The following RGS22 variants were observed in gnomAD, a reference collection of about 807,000 sequenced individuals.
The protein encoded by RGS22 is regulator of G protein signaling 22.
A neutral mutation model predicts 172.9 loss-of-function variants in RGS22; 148 were observed. The observed-to-expected ratio is 0.86, with a 90% CI of 0.75 to 0.98. The LOEUF is 0.98. Ranked by LOEUF, RGS22 falls within the 50% of genes least tolerant of loss-of-function variation. The pLI is 0.00. For missense variants in RGS22, 1,347 were observed against 1,440.8 expected (o/e 0.93, Z 1.05); for synonymous variants, 458 against 480.2 (o/e 0.95, Z 0.60).
chr8:100,084,302 AC>A, intron 3 of RGS22, among the ~76,000 whole-genome samples: 1 of 152,192 alleles, frequency 6.6e-6, no homozygotes. Flanking sequence ...GTATGCACTT[AC>A]AAAAATACTT....
intron 21 of RGS22, among the ~76,000 whole-genome samples, chr8:99,985,384 T>C (rs1038333010): frequency 8.5e-5 from 13 of 152,220 alleles, no homozygotes; most frequent in Admixed American, 5.9e-4. Context: ...ATAAATGCCT[T>C]CCAACTGGCA....
chr8:100,056,268 G>A (rs906960313), intron 9 of RGS22, among the ~76,000 whole-genome samples: 1 of 152,166 alleles, frequency 6.6e-6, no homozygotes, highest in South Asian at 2.1e-4. Context: ...TCTAAGCAGC[G>A]AAGCATTCAA....
chr8:100,051,505 A>T (rs1821322261), intron 10 of RGS22, among the ~76,000 whole-genome samples: 2 of 61,502 alleles, frequency 3.3e-5, no homozygotes, highest in Non-Finnish European at 5.8e-5. Context: ...TATAATAAAT[A>T]TATATAAATA....
At chr8:99,989,992 A>G (rs1221726645) in intron 20 of RGS22, among the ~76,000 whole-genome samples, 1 of 152,072 alleles carries the variant, frequency 6.6e-6, no homozygotes, top group African/African-American at 2.4e-5. Flanking sequence ...GCTGCATGCT[A>G]CTCATTTGTT....
In RGS22 at chr8:100,070,232, G is replaced by A. The variant is rs374096920; in HGVS notation, c.594+1137C>T. Reference sequence around the variant, plus strand: ...TAAGTTGAGAATTTAAAACAAATGAGAACATAAGATTTTTAAAATAGCACT... The same window carrying A: ...TAAGTTGAGAATTTAAAACAAATGAAAACATAAGATTTTTAAAATAGCACT... On this transcript the variant is annotated intron_variant, in intron 6 of 27. Coordinates refer to ENST00000360863, the MANE Select transcript of RGS22 (RefSeq NM_015668.5). Among the ~76,000 whole-genome samples, 43 of 152,052 alleles carry A rather than the reference G, an allele frequency of 2.8e-4. No individual in the cohort carries two copies. The East Asian group carries it at 6.6e-3, about 23-fold the overall frequency.
chr8:100,042,045 A>G, intron 11 of RGS22, 129 bp from the exon 12 acceptor site: 1 of 572,068 alleles, frequency 1.7e-6, no homozygotes, highest in Non-Finnish European at 3.1e-6. Flanking sequence ...GACTCAGGAA[A>G]AAAAGGATAA....
chr8:100,093,439 A>G lies in RGS22; in HGVS notation c.117+8T>C. On this transcript the variant is annotated splice_region_variant and intron_variant, in intron 3 of 27. Transcript: ENST00000360863. ...TATATATTCAATAGATCATAATAAT[A>G]AACTCACTGGAAGGCTTAGGAATTC... The G allele has an allele frequency of 6.5e-7, 1 of 1,535,328 alleles. No individual in the cohort carries two copies. Among genetic ancestry groups the G allele is most frequent in the Non-Finnish European group, 9.0e-7 (1 of 1,116,224 alleles).
chr8:100,062,809 CCAAA>C, intron 8 of RGS22, 57 bp from the exon 9 acceptor site: 7 of 1,355,874 alleles, frequency 5.2e-6, no homozygotes, highest in East Asian at 2.4e-5. Flanking sequence ...TATTCAACTA[CCAAA>C]ATGTAGTTGA....
At chr8:100,056,059 C>A (rs576355457) in intron 9 of RGS22, among the ~76,000 whole-genome samples, 1 of 152,004 alleles carries the variant, frequency 6.6e-6, no homozygotes, top group Non-Finnish European at 1.5e-5. Flanking sequence ...ATGGGATTGA[C>A]CAAAATGGTG....
Position 100,064,882 on chromosome 8 carries a change from C to T in RGS22, c.725-839G>A, listed in dbSNP as rs11990431. On this transcript the variant is annotated intron_variant, in intron 7 of 27. Coordinates refer to ENST00000360863, the MANE Select transcript of RGS22 (RefSeq NM_015668.5). ...ACCATTTCATTAAAAGATTCAATTA[C>T]TATCAAACTTACAGTCTATCATTAA... 8.2e-3 allele frequency among the ~76,000 whole-genome samples: 1,246 copies of T among 152,292 alleles called. 20 individuals carry two copies. The highest frequency in any genetic ancestry group is 0.029 in the African/African-American group (1,190 of 41,548).
intron 22 of RGS22, 54 bp downstream of exon 22, chr8:99,981,883 A>G: frequency 1.3e-6 from 2 of 1,499,456 alleles, no homozygotes; most frequent in Non-Finnish European, 1.8e-6. Context: ...CTATCTTTAA[A>G]AGGATTGTCA....
At chr8:99,985,999 T>C (rs1283954471) in intron 21 of RGS22, among the ~76,000 whole-genome samples, 2 of 152,034 alleles carry the variant, frequency 1.3e-5, no homozygotes, top group Non-Finnish European at 2.9e-5. Context: ...ATGTGAAAGA[T>C]TGTGAAAAAA....
chr8:99,984,423 C>T (rs1022988861), intron 21 of RGS22, among the ~76,000 whole-genome samples: 1 of 148,060 alleles, frequency 6.8e-6, no homozygotes, highest in Non-Finnish European at 1.5e-5. Context: ...AGCATTTGGT[C>T]AGAATTATAA....
chr8:100,071,301 T>C, intron 6 of RGS22, 68 bp downstream of exon 6: 1 of 1,363,646 alleles, frequency 7.3e-7, no homozygotes, highest in Non-Finnish European at 9.9e-7. Flanking sequence ...AATATATGTA[T>C]AAAATAAAAA....
At chr8:99,963,903 CA>C (rs1319701088) in intron 24 of RGS22, among the ~76,000 whole-genome samples, 7 of 152,134 alleles carry the variant, frequency 4.6e-5, no homozygotes, top group African/African-American at 1.4e-4. Context: ...TATTACTTTA[CA>C]AATTGCTAAA....
At chr8:99,990,391 T>C (rs538581008) in intron 20 of RGS22, among the ~76,000 whole-genome samples, 76 of 152,242 alleles carry the variant, frequency 5.0e-4, no homozygotes, top group African/African-American at 1.8e-3. Context: ...CCCCTGCCTT[T>C]TCACCCAATA....
chr8:100,022,035 C>T (rs1817647803), intron 14 of RGS22, among the ~76,000 whole-genome samples: 1 of 152,062 alleles, frequency 6.6e-6, no homozygotes, highest in Non-Finnish European at 1.5e-5. Flanking sequence ...TTTTTAATGA[C>T]CTCTCATATC....
intron 11 of RGS22, among the ~76,000 whole-genome samples, chr8:100,044,385 T>A (rs1041572790): frequency 1.3e-5 from 2 of 152,244 alleles, no homozygotes; most frequent in Admixed American, 1.3e-4. Flanking sequence ...TAGCTGGGAT[T>A]ACAGGCGTGA....
At chr8:100,051,054 T>A (rs1317122793) in intron 10 of RGS22, among the ~76,000 whole-genome samples, 1 of 152,086 alleles carries the variant, frequency 6.6e-6, no homozygotes, top group African/African-American at 2.4e-5. Flanking sequence ...TGTGCTTATA[T>A]AGAAATAATA....
Sources: allele counts gnomAD v4.1 joint callset (sites outside exome capture counted in the v4.1 genomes callset), GRCh38; gene constraint gnomAD v4.1.1; transcripts MANE v1.5; gene names NCBI Gene and HGNC (gene_info 2026-07-23, HGNC 2026-07-21).